The following SLC39A14 variants were observed in gnomAD, a reference collection of about 807,000 sequenced individuals.
The protein encoded by SLC39A14 is metal cation symporter ZIP14.
SLC39A14 carries 19 observed loss-of-function variants against 45.5 expected under a neutral mutation model. The observed-to-expected ratio is 0.42, with a 90% CI of 0.29 to 0.61. The LOEUF (loss-of-function observed/expected upper bound fraction) is 0.61, where lower values mean the gene tolerates loss of function less well. Ranked by LOEUF, SLC39A14 falls within the 20% of genes least tolerant of loss-of-function variation. SLC39A14 has a pLI of 0.22. For missense variants in SLC39A14, 447 were observed against 616.5 expected (o/e 0.73, Z 2.91); for synonymous variants, 264 against 251.3 (o/e 1.05, Z -0.48).
Position 22,422,295 on chromosome 8 carries a change from C to A in SLC39A14, c.*2597C>A. 1 of 985,666 alleles carries A rather than the reference C, an allele frequency of 1.0e-6. No individual in the cohort carries two copies. Among genetic ancestry groups the A allele is most frequent in the Non-Finnish European group, 1.2e-6 (1 of 829,938 alleles). The allele number at this position is 985,666 out of a possible 1,614,324, so 61.1% of individuals were successfully genotyped here. On this transcript the variant is annotated 3_prime_UTR_variant, in exon 9 of 9. Transcript: ENST00000381237. ...GTTCTGCTCCTTCTCACTTCACCAC[C>A]GGCACACAGCTTGCCCCTGTCTTTG...
At chr8:22,375,193 T>C (rs1456321588) in intron 1 of SLC39A14, among the ~76,000 whole-genome samples, 3 of 148,620 alleles carry the variant, frequency 2.0e-5, no homozygotes, top group Non-Finnish European at 3.0e-5. Context: ...TAGAAGTCTC[T>C]CCCAGAAACT....
chr8:22,376,739 A>T (rs1392982513), intron 1 of SLC39A14, among the ~76,000 whole-genome samples: 1 of 152,094 alleles, frequency 6.6e-6, no homozygotes, highest in Non-Finnish European at 1.5e-5. Context: ...TTAGCCAGGC[A>T]TGGTGACATG....
intron 1 of SLC39A14, among the ~76,000 whole-genome samples, chr8:22,385,440 G>A (rs1455598572): frequency 6.6e-6 from 1 of 152,200 alleles, no homozygotes; most frequent in Non-Finnish European, 1.5e-5. Context: ...TCAATGCCTG[G>A]GAGTGGGCTT....
At chr8:22,433,935 T>C (rs1836506240) in exon 9 of SLC39A14, 2 of 433,694 alleles carry the variant, frequency 4.6e-6, no homozygotes, top group South Asian at 1.6e-5. Context: ...AATGGTGCCA[T>C]CTCAGCTCAC....
At chr8:22,376,797 G>A (rs1387800853) in intron 1 of SLC39A14, among the ~76,000 whole-genome samples, 7 of 152,050 alleles carry the variant, frequency 4.6e-5, no homozygotes, top group African/African-American at 1.7e-4. Context: ...AGAATCGCTT[G>A]AACCTGGGAG....
rs145268065 is a variant in SLC39A14, at chr8:22,400,480, C to G, written c.-15-4216C>G. 2.2e-3 allele frequency among the ~76,000 whole-genome samples: 329 copies of G among 152,296 alleles called. 10 individuals are homozygous for G. In the East Asian group the frequency reaches 0.054, roughly 25 times the overall value. On this transcript the variant is annotated intron_variant, in intron 1 of 8. Transcript: ENST00000381237. ...CCTGCCATCGACAGTTCACAGTCTGCTCTGATGGATAACCACTTTCTTTGT... is the reference window on the plus strand; with the variant it reads ...CCTGCCATCGACAGTTCACAGTCTGGTCTGATGGATAACCACTTTCTTTGT...
In SLC39A14 at chr8:22,402,813, T is replaced by A. The variant is rs536845718; in HGVS notation, c.-15-1883T>A. Among the ~76,000 whole-genome samples, 35 of 151,544 alleles carry A rather than the reference T, an allele frequency of 2.3e-4. 1 individual carries two copies. Among genetic ancestry groups the A allele is most frequent in the African/African-American group, 1.5e-4 (6 of 41,310 alleles). ...GTTGCTATTTTAATAAGTAGCAAAATGGAACCAGCCAAGTTTTAAATTTAT... is the reference window on the plus strand; with the variant it reads ...GTTGCTATTTTAATAAGTAGCAAAAAGGAACCAGCCAAGTTTTAAATTTAT... On this transcript the variant is annotated intron_variant, in intron 1 of 8. Transcript: ENST00000381237.
At chr8:22,429,476 T>C (rs1291150077) in intron 8 of SLC39A14, among the ~76,000 whole-genome samples, 3 of 152,242 alleles carry the variant, frequency 2.0e-5, no homozygotes, top group Non-Finnish European at 4.4e-5. Context: ...ATGCAAAATG[T>C]TTTAGAAATT....
intron 1 of SLC39A14, among the ~76,000 whole-genome samples, chr8:22,397,743 C>A (rs367909576): frequency 1.1e-4 from 16 of 152,350 alleles, no homozygotes; most frequent in South Asian, 4.1e-4. Context: ...GAGAGCTAAC[C>A]TTGAGCCATG....
In SLC39A14 at chr8:22,420,451, G is replaced by T. The variant is rs940397545; in HGVS notation, c.*753G>T. The T allele has an allele frequency of 2.2e-5, 22 of 985,426 alleles. No individual in the cohort carries two copies. Among genetic ancestry groups the T allele is most frequent in the Non-Finnish European group, 6.0e-6 (5 of 829,950 alleles). The allele number at this position is 985,426 out of a possible 1,614,324, so 61.0% of individuals were successfully genotyped here. ...CCTGGACCTCCTCTTTCAGGTTAAC[G>T]CTGACAGAATGGAGGCTCAGGCTGT... On this transcript the variant is annotated 3_prime_UTR_variant, in exon 9 of 9. Coordinates refer to ENST00000381237, the MANE Select transcript of SLC39A14 (RefSeq NM_001128431.4).
chr8:22,419,932 C>A lies in SLC39A14; in HGVS notation c.*234C>A. 2.5e-6 allele frequency: 3 copies of A among 1,217,542 alleles called. No homozygotes were observed. The highest frequency in any genetic ancestry group is 3.1e-6 in the Non-Finnish European group (3 of 976,798). 75.4% of individuals were successfully genotyped at this position (1,217,542 alleles called of 1,614,324 possible). ...TCTTGCCCTCTCCTCACCTCCTTTTCTCTCAGTGACTCTGGAACCTGAATG... is the reference window on the plus strand; with the variant it reads ...TCTTGCCCTCTCCTCACCTCCTTTTATCTCAGTGACTCTGGAACCTGAATG... On this transcript the variant is annotated 3_prime_UTR_variant, in exon 9 of 9. Transcript: ENST00000381237.
intron 8 of SLC39A14, among the ~76,000 whole-genome samples, chr8:22,432,672 A>T (rs1328807802): frequency 7.8e-6 from 1 of 128,560 alleles, no homozygotes; most frequent in Non-Finnish European, 1.6e-5. Context: ...TTTGAGATGG[A>T]GTCCCGCTCT....
intron 1 of SLC39A14, among the ~76,000 whole-genome samples, chr8:22,394,100 G>C (rs1018500651): frequency 1.9e-4 from 29 of 151,680 alleles, no homozygotes; most frequent in Admixed American, 1.1e-3. Flanking sequence ...TCTGCCTCCG[G>C]GGTTCAAGTG....
intron 1 of SLC39A14, among the ~76,000 whole-genome samples, chr8:22,371,448 T>A (rs1832930416): frequency 1.1e-5 from 1 of 93,688 alleles, no homozygotes; most frequent in East Asian, 6.4e-4. Context: ...TTTTTTTTTT[T>A]TTTGAGACGG....
rs371944593 is a variant in SLC39A14 at position 22,403,721 on chromosome 8, C to T, written c.-15-975C>T. 1.4e-4 allele frequency among the ~76,000 whole-genome samples: 21 copies of T among 151,378 alleles called. No homozygotes were observed. The South Asian group carries it at 3.3e-3, about 24-fold the overall frequency. Reference sequence around the variant, plus strand: ...ATCACTTGAGCCCAGGAGTTTGAGACGAGCGGGCAAATATGGTGAAACCCC... The same window carrying T: ...ATCACTTGAGCCCAGGAGTTTGAGATGAGCGGGCAAATATGGTGAAACCCC... On this transcript the variant is annotated intron_variant, in intron 1 of 8. Transcript: ENST00000381237.
intron 1 of SLC39A14, among the ~76,000 whole-genome samples, chr8:22,397,591 A>C (rs933257326): frequency 7.4e-5 from 11 of 148,480 alleles, no homozygotes; most frequent in African/African-American, 2.7e-4. Context: ...CTCCGTCCCA[A>C]AAAAAAAAAA....
At chr8:22,408,091 C>T (rs1835334015) in intron 2 of SLC39A14, among the ~76,000 whole-genome samples, 1 of 152,220 alleles carries the variant, frequency 6.6e-6, no homozygotes, top group Non-Finnish European at 1.5e-5. Flanking sequence ...TGATGTGTAA[C>T]TTTCCTGGCT....
intron 1 of SLC39A14, among the ~76,000 whole-genome samples, chr8:22,369,326 C>A (rs1832811216): frequency 6.6e-6 from 1 of 152,322 alleles, no homozygotes; most frequent in South Asian, 2.1e-4. Context: ...TGACAGCTGG[C>A]CAGCCAGTGC....
chr8:22,385,950 AT>A (rs1028634311), intron 1 of SLC39A14, among the ~76,000 whole-genome samples: 8 of 152,090 alleles, frequency 5.3e-5, no homozygotes, highest in Non-Finnish European at 7.4e-5. Flanking sequence ...ATTTTATTTT[AT>A]TTTTTTGAGA....
Sources: gnomAD v4.1 joint callset for allele counts (sites outside exome capture counted in the v4.1 genomes callset) on GRCh38, gnomAD v4.1.1 for gene constraint, MANE v1.5 for transcripts, NCBI Gene and HGNC (gene_info 2026-07-23, HGNC 2026-07-21) for gene names.